Variants in PCDH17 observed in about 807,000 individuals in gnomAD.
PCDH17 encodes protocadherin 17, also known as protocadherin-17.
PCDH17 carries 21 observed loss-of-function variants against 67.7 expected under a neutral mutation model. The ratio of observed to expected loss-of-function variants is 0.31; its 90% confidence interval spans 0.22 to 0.45. The LOEUF (loss-of-function observed/expected upper bound fraction) is 0.45. Ranked by LOEUF, PCDH17 falls within the 20% of genes least tolerant of loss-of-function variation. The probability of loss-of-function intolerance (pLI) is 1.00; values close to 1 mark genes in which losing one functional copy is unlikely to be tolerated. For missense variants in PCDH17, 1,471 were observed against 1,564.8 expected, an observed-to-expected ratio of 0.94 and a Z score of 1.01; for synonymous variants, 701 against 656.7, an observed-to-expected ratio of 1.07 and a Z score of -1.03.
chr13:57,642,197 C>T (rs1372841636), intron 1 of PCDH17, among the ~76,000 whole-genome samples: 1 of 151,592 alleles, frequency 6.6e-6, no homozygotes, highest in Non-Finnish European at 1.5e-5. Flanking sequence ...ACTTTTTAAA[C>T]TTTTAATGTT....
rs368423332 is a variant in PCDH17 at position 57,725,217 on chromosome 13, G to A, written c.3403G>A (p.Ala1135Thr). 1 of 1,614,068 alleles carries A rather than the reference G, an allele frequency of 6.2e-7. No individual in the cohort carries two copies. The highest frequency in any genetic ancestry group is 8.5e-7 in the Non-Finnish European group (1 of 1,179,986). ...NRDLGRESVD[A>T]EEVVREIDKL... ...GGATCTGGGCAGAGAGTCTGTGGATGCAGAGGAAGTTGTGAGAGAAATTGA... is the reference window on the plus strand; with the variant it reads ...GGATCTGGGCAGAGAGTCTGTGGATACAGAGGAAGTTGTGAGAGAAATTGA... Residue 1135 changes from alanine (A) to threonine (T), a missense_variant, in exon 4 of 4, where the codon GCA (alanine) becomes ACA (threonine). Around this residue, in one of 3 missense-constraint regions of PCDH17, gnomAD observed 297 missense variants for 298.6 expected, o/e 0.99. Transcript: ENST00000377918.
At chr13:57,724,433 A>G (rs1955895832) in intron 3 of PCDH17, among the ~76,000 whole-genome samples, 179 bp from the exon 4 acceptor site, 1 of 152,206 alleles carries the variant, frequency 6.6e-6, no homozygotes, top group Admixed American at 6.5e-5. Context: ...AAATTAAACC[A>G]TTGTCTCAAC....
intron 3 of PCDH17, among the ~76,000 whole-genome samples, chr13:57,693,338 A>ATATGTATT (rs1555286765): frequency 1.4e-5 from 2 of 142,132 alleles, no homozygotes; most frequent in African/African-American, 5.1e-5. Flanking sequence ...ATATATATAT[A>ATATGTATT]TATATATCAA....
intron 3 of PCDH17, among the ~76,000 whole-genome samples, chr13:57,711,354 G>A (rs1162255415): frequency 6.6e-6 from 1 of 151,766 alleles, no homozygotes; most frequent in Non-Finnish European, 1.5e-5. Flanking sequence ...CAGGAAAACT[G>A]GAAACTGTTG....
chr13:57,633,799 A>G lies in PCDH17; in HGVS notation c.1253A>G (p.Tyr418Cys), dbSNP rs1454055734. 1.2e-6 allele frequency: 2 copies of G among 1,609,238 alleles called. No individual in the cohort carries two copies. Among genetic ancestry groups the G allele is most frequent in the Non-Finnish European group, 1.7e-6 (2 of 1,179,486 alleles). ...GSVPFKLEEN[Y>C]DNFYTVVTDR... ...GTCCCCTTCAAGCTTGAGGAGAACT[A>G]CGACAACTTCTACACGGTGGTGACT... The change falls in exon 1 of 4, where the codon TAC (tyrosine) becomes TGC (cysteine). Residue 418 changes from tyrosine to cysteine, a missense_variant. Transcript: ENST00000377918. This position sits in a 1 kb window ranked among gnomAD's most constrained non-coding sequence, Gnocchi z 6.2.
chr13:57,643,110 G>A (rs533384763), intron 1 of PCDH17, among the ~76,000 whole-genome samples: 3 of 151,098 alleles, frequency 2.0e-5, no homozygotes, highest in East Asian at 1.9e-4. Context: ...ATTTTTTCAC[G>A]GCGACATAGA....
In PCDH17 at chr13:57,633,762, C is replaced by A. The variant is rs1326650620; in HGVS notation, c.1216C>A (p.Pro406Thr). The A allele has an allele frequency of 6.3e-7, 1 of 1,590,384 alleles. No homozygotes were observed. The highest frequency in any genetic ancestry group is 8.5e-7 in the Non-Finnish European group (1 of 1,172,914). Residue 406 changes from proline to threonine, a missense_variant, in exon 1 of 4, where the codon CCC (proline) becomes ACC (threonine). Physicochemically the swap from Pro to Thr is conservative, Grantham distance 38 (BLOSUM62 -1). This residue lies in a region of PCDH17 where 1,163 missense variants were observed against 1,230.0 expected (regional missense o/e 0.95). Transcript: ENST00000377918. This position sits in a 1 kb window ranked among gnomAD's most constrained non-coding sequence, Gnocchi z 6.2. ...GGGCGGCGGCGGGGGCCTGGGCGGG[C>A]CCGGGGGTTCCGTCCCCTTCAAGCT... ...GTGGGGGLGG[P>T]GGSVPFKLEE...
intron 3 of PCDH17, among the ~76,000 whole-genome samples, chr13:57,720,856 A>G (rs1464772523): frequency 6.6e-6 from 1 of 152,102 alleles, no homozygotes; most frequent in Non-Finnish European, 1.5e-5. Context: ...AAGAGGCACA[A>G]TTGAACTAAT....
Position 57,633,034 on chromosome 13 carries a change from A to C in PCDH17, c.488A>C (p.Glu163Ala). Residue 163 changes from glutamate to alanine, a missense_variant, in exon 1 of 4, where the codon GAG (glutamate) becomes GCG (alanine). This residue lies in a region of PCDH17 where 1,163 missense variants were observed against 1,230.0 expected (regional missense o/e 0.95). Transcript: ENST00000377918. This position sits in a 1 kb window ranked among gnomAD's most constrained non-coding sequence, Gnocchi z 6.2. Reference protein sequence around the residue: ...LTSAHDPDAGENGLRTYLLTR... With the variant: ...LTSAHDPDAGANGLRTYLLTR... ...AGCGCACATGACCCCGACGCCGGCG[A>C]GAATGGGCTCCGCACCTACCTGCTC... 3.1e-6 allele frequency: 5 copies of C among 1,612,862 alleles called. No homozygotes were observed. Among genetic ancestry groups the C allele is most frequent in the Non-Finnish European group, 4.2e-6 (5 of 1,179,934 alleles).
intron 3 of PCDH17, among the ~76,000 whole-genome samples, chr13:57,717,410 C>T (rs966945443): frequency 6.6e-6 from 1 of 151,910 alleles, no homozygotes; most frequent in Non-Finnish European, 1.5e-5. Flanking sequence ...CACCTTAGAG[C>T]GTTATCTATG....
intron 3 of PCDH17, among the ~76,000 whole-genome samples, chr13:57,683,596 T>G (rs1319590403): frequency 1.3e-5 from 2 of 151,742 alleles, no homozygotes; most frequent in African/African-American, 2.4e-5. Flanking sequence ...TTCAGGAAAA[T>G]AGTGAATCAA....
At chr13:57,696,002 CA>C (rs1426058166) in intron 3 of PCDH17, among the ~76,000 whole-genome samples, 10 of 151,334 alleles carry the variant, frequency 6.6e-5, no homozygotes, top group African/African-American at 1.7e-4. Flanking sequence ...TCAGGACCCT[CA>C]TTTGAAATCC....
At chr13:57,635,160 G>A (rs1323757508) in intron 1 of PCDH17, 49 bp downstream of exon 1, 15 of 1,594,578 alleles carry the variant, frequency 9.4e-6, no homozygotes, top group Non-Finnish European at 1.2e-5. Context: ...GCTGGTTTTG[G>A]AGCTGTCCTG....
intron 3 of PCDH17, among the ~76,000 whole-genome samples, chr13:57,694,664 C>A (rs1180784733): frequency 6.6e-6 from 1 of 150,724 alleles, no homozygotes; most frequent in African/African-American, 2.4e-5. Context: ...TTAATACTTT[C>A]CTGAAGTGAA....
chr13:57,696,105 A>G (rs933796741), intron 3 of PCDH17, among the ~76,000 whole-genome samples: 5 of 151,400 alleles, frequency 3.3e-5, no homozygotes, highest in Admixed American at 6.6e-5. Context: ...CTCTGTACAT[A>G]TGATAACGTA....
At chr13:57,675,974 C>A (rs1039452543) in intron 3 of PCDH17, among the ~76,000 whole-genome samples, 1 of 151,718 alleles carries the variant, frequency 6.6e-6, no homozygotes, top group Non-Finnish European at 1.5e-5. Flanking sequence ...TGATATATGC[C>A]ACTACTTTTA....
intron 1 of PCDH17, among the ~76,000 whole-genome samples, chr13:57,640,390 T>G (rs1015562354): frequency 3.3e-5 from 5 of 152,034 alleles, no homozygotes; most frequent in Non-Finnish European, 7.4e-5. Flanking sequence ...TAAATATGTG[T>G]ATAAATGTAT....
chr13:57,721,348 A>G (rs2138102276), intron 3 of PCDH17, among the ~76,000 whole-genome samples: 1 of 152,286 alleles, frequency 6.6e-6, no homozygotes, highest in Non-Finnish European at 1.5e-5. Flanking sequence ...TCTTCTGTTC[A>G]GGGTTTCTGG....
At chr13:57,709,906 A>T (rs1955759882) in intron 3 of PCDH17, among the ~76,000 whole-genome samples, 1 of 151,798 alleles carries the variant, frequency 6.6e-6, no homozygotes, top group South Asian at 2.1e-4. Flanking sequence ...AATTTTCTTT[A>T]TTGTTTCTGC....
Sources: gnomAD v4.1 joint callset for allele counts (sites outside exome capture counted in the v4.1 genomes callset) on GRCh38, gnomAD v4.1.1 for gene constraint, gnomAD v4.1.1 regional missense constraint, Gnocchi (gnomAD v3.1) non-coding constraint, MANE v1.5 for transcripts, NCBI Gene and HGNC (gene_info 2026-07-23, HGNC 2026-07-21) for gene names.